TMEM232: variants seen among roughly 807,000 people sequenced by gnomAD.
TMEM232 encodes transmembrane protein 232.
Under a neutral mutation model 78.8 loss-of-function variants are expected in TMEM232, and 80 were observed. The ratio of observed to expected loss-of-function variants is 1.01; its 90% CI spans 0.85 to 1.22. The LOEUF is 1.22. Ranked by LOEUF, TMEM232 falls within the 50% of genes most tolerant of loss-of-function variation. The pLI is 0.00. For missense variants in TMEM232, 881 were observed against 742.2 expected (o/e 1.19, Z -2.17); for synonymous variants, 297 against 254.3 (o/e 1.17, Z -1.60).
intron 12 of TMEM232, among the ~76,000 whole-genome samples, chr5:110,444,436 G>T (rs1008134328): frequency 1.3e-4 from 20 of 152,090 alleles, no homozygotes; most frequent in African/African-American, 4.8e-4. Flanking sequence ...AGCCACAGCT[G>T]GGGGGTTGGG....
At chr5:110,684,480 A>T (rs1580654748) in intron 1 of TMEM232, among the ~76,000 whole-genome samples, 1 of 152,226 alleles carries the variant, frequency 6.6e-6, no homozygotes, top group East Asian at 1.9e-4. Context: ...AATCCAAGAT[A>T]TTATAGATTA....
At chr5:110,520,267 C>A (rs1769313265) in intron 12 of TMEM232, among the ~76,000 whole-genome samples, 1 of 151,902 alleles carries the variant, frequency 6.6e-6, no homozygotes, top group Admixed American at 6.6e-5. Context: ...TAAAATATCA[C>A]ACATACTCCA....
chr5:110,623,001 A>C, intron 7 of TMEM232, among the ~76,000 whole-genome samples: 1 of 136,374 alleles, frequency 7.3e-6, no homozygotes, highest in East Asian at 1.9e-4. Context: ...ATAATAAATA[A>C]ATAAATAAAT....
chr5:110,423,303 T>C (rs1435174530), intron 13 of TMEM232, among the ~76,000 whole-genome samples: 2 of 152,216 alleles, frequency 1.3e-5, no homozygotes, highest in Non-Finnish European at 2.9e-5. Context: ...AGTAACTGAA[T>C]TGTAAGCAAG....
At chr5:110,549,216 T>C (rs1774153019) in intron 11 of TMEM232, among the ~76,000 whole-genome samples, 13 of 151,946 alleles carry the variant, frequency 8.6e-5, no homozygotes, top group Admixed American at 8.5e-4. Flanking sequence ...AGGAAAATAA[T>C]AATCCATTAA....
At chr5:110,723,514 T>C (rs1382906662) in intron 1 of TMEM232, among the ~76,000 whole-genome samples, 2 of 152,188 alleles carry the variant, frequency 1.3e-5, no homozygotes, top group African/African-American at 4.8e-5. Flanking sequence ...CCATTATGTT[T>C]AAATTAGACT....
intron 10 of TMEM232, among the ~76,000 whole-genome samples, chr5:110,570,841 T>A (rs1367399031): frequency 1.3e-5 from 2 of 151,986 alleles, no homozygotes; most frequent in African/African-American, 4.8e-5. Context: ...CCAAATCGCA[T>A]GGCCAGGCAA....
chr5:110,671,411 G>A (rs1277599493), intron 1 of TMEM232, among the ~76,000 whole-genome samples: 1 of 152,032 alleles, frequency 6.6e-6, no homozygotes, highest in Admixed American at 6.6e-5. Context: ...TATAACCAAA[G>A]GATTATAAAT....
chr5:110,671,008 C>A (rs1046387396), intron 1 of TMEM232, among the ~76,000 whole-genome samples: 1 of 151,804 alleles, frequency 6.6e-6, no homozygotes, highest in Non-Finnish European at 1.5e-5. Flanking sequence ...GAAAAGAAAA[C>A]ATCTTCAAAA....
chr5:110,431,165 C>A (rs985201313), intron 12 of TMEM232, among the ~76,000 whole-genome samples: 1 of 151,424 alleles, frequency 6.6e-6, no homozygotes, highest in Non-Finnish European at 1.5e-5. Flanking sequence ...AGTTTCCCCC[C>A]AAGAATGTTC....
chr5:110,661,707 T>C (rs1251908576), intron 2 of TMEM232, among the ~76,000 whole-genome samples: 1 of 152,176 alleles, frequency 6.6e-6, no homozygotes, highest in African/African-American at 2.4e-5. Context: ...TATTTTTGGC[T>C]TTCTGAGGAA....
intron 1 of TMEM232, among the ~76,000 whole-genome samples, chr5:110,721,051 C>G (rs1797543161): frequency 6.6e-6 from 1 of 151,980 alleles, no homozygotes; most frequent in African/African-American, 2.4e-5. Flanking sequence ...ATGCTGAAAG[C>G]CACAATTTAC....
chr5:110,487,383 G>C (rs1209722057), intron 12 of TMEM232, among the ~76,000 whole-genome samples: 3 of 152,056 alleles, frequency 2.0e-5, no homozygotes, highest in African/African-American at 4.8e-5. Flanking sequence ...TCCTTGTCTT[G>C]TTCCAGTTCT....
intron 11 of TMEM232, among the ~76,000 whole-genome samples, chr5:110,546,349 G>T (rs1479823136): frequency 6.6e-6 from 1 of 151,978 alleles, no homozygotes; most frequent in Non-Finnish European, 1.5e-5. Context: ...ATTTAAAATT[G>T]TATTTATGAA....
chr5:110,624,797 T>TAACACATAACATTATCTAAA (rs1281073581), intron 7 of TMEM232, among the ~76,000 whole-genome samples: 1 of 152,088 alleles, frequency 6.6e-6, no homozygotes, highest in Non-Finnish European at 1.5e-5. Flanking sequence ...AATTATAAGG[T>TAACACATAACATTATCTAAA]AACACATAAC....
At chr5:110,530,394 AAATCAGTACGTCAAAGAGAGAGCT>A (rs1268893611) in intron 11 of TMEM232, among the ~76,000 whole-genome samples, 5 of 152,224 alleles carry the variant, frequency 3.3e-5, no homozygotes, top group Admixed American at 2.6e-4. Context: ...ATCCAAAAGA[AAATCAGTACGTCAAAGAGAGAGCT>A]GCCCTGCCAT....
At chr5:110,466,066 C>A (rs1283286331) in intron 12 of TMEM232, among the ~76,000 whole-genome samples, 3 of 151,992 alleles carry the variant, frequency 2.0e-5, no homozygotes, top group African/African-American at 7.2e-5. Flanking sequence ...AATTAGAAAT[C>A]TATCTACTAA....
intron 11 of TMEM232, among the ~76,000 whole-genome samples, chr5:110,562,995 T>G (rs928752859): frequency 3.3e-5 from 5 of 152,066 alleles, no homozygotes; most frequent in African/African-American, 1.2e-4. Context: ...AGTTAAGATA[T>G]TCAATGCAAA....
At chr5:110,389,090 G>A (rs773860021) in intron 4 of TMEM232, among the ~76,000 whole-genome samples, 7 of 152,102 alleles carry the variant, frequency 4.6e-5, no homozygotes, top group Admixed American at 2.6e-4. Context: ...GTGAAACCCC[G>A]TCTCTACTAA....
Sources: allele counts gnomAD v4.1 joint callset (sites outside exome capture counted in the v4.1 genomes callset), GRCh38; gene constraint gnomAD v4.1.1; transcripts MANE v1.5; gene names NCBI Gene and HGNC (gene_info 2026-07-23, HGNC 2026-07-21).